CNTLN: variants seen among roughly 807,000 people sequenced by gnomAD.
CNTLN encodes centlein.
Under a neutral mutation model 180.0 loss-of-function variants are expected in CNTLN, and 212 were observed. The observed-to-expected ratio is 1.18, with a 90% CI of 1.05 to 1.32. CNTLN has a LOEUF of 1.32. Ranked by LOEUF, CNTLN falls within the 40% of genes most tolerant of loss-of-function variation. The pLI is 0.00. For synonymous variants in CNTLN, 722 were observed against 563.1 expected (o/e 1.28, Z -3.99); for missense variants, 2,095 against 1,610.9 (o/e 1.30, Z -5.14).
At chr9:17,179,061 G>A (rs1384300770) in intron 2 of CNTLN, among the ~76,000 whole-genome samples, 2 of 146,910 alleles carry the variant, frequency 1.4e-5, no homozygotes, top group Admixed American at 6.7e-5. Flanking sequence ...CGGCTAAAAC[G>A]GTGAAACCCC....
In CNTLN at chr9:17,165,953, C is replaced by CCCCA. The variant is rs920010236; in HGVS notation, c.449+22578_449+22581dup. Among the ~76,000 whole-genome samples the CCCCA allele has an allele frequency of 1.8e-4, 27 of 152,298 alleles. No individual in the cohort carries two copies. In the South Asian group the frequency reaches 3.7e-3, roughly 21 times the overall value. On this transcript the variant is annotated intron_variant, in intron 2 of 25. Coordinates refer to ENST00000380647, the MANE Select transcript of CNTLN (RefSeq NM_017738.4). Reference sequence around the variant, plus strand: ...AGAGACCTTTGGGCAAGCCCTCCACCCCCATCCTAGGTCAAGTAAAACTAT... The same window carrying CCCCA: ...AGAGACCTTTGGGCAAGCCCTCCACCCCCACCCATCCTAGGTCAAGTAAAACTAT...
At chr9:17,154,946 C>T (rs1380827821) in intron 2 of CNTLN, among the ~76,000 whole-genome samples, 1 of 152,198 alleles carries the variant, frequency 6.6e-6, no homozygotes, top group Non-Finnish European at 1.5e-5. Context: ...TGGGTCCGCA[C>T]TACCTTTGTG....
At chr9:17,185,157 T>C (rs1268075082) in intron 2 of CNTLN, among the ~76,000 whole-genome samples, 1 of 152,224 alleles carries the variant, frequency 6.6e-6, no homozygotes, top group Non-Finnish European at 1.5e-5. Context: ...TTGAAACCTG[T>C]CTTCTGGTAA....
At chr9:17,406,338 C>T (rs1305255791) in intron 15 of CNTLN, among the ~76,000 whole-genome samples, 1 of 151,816 alleles carries the variant, frequency 6.6e-6, no homozygotes, top group East Asian at 1.9e-4. Context: ...AACCACCCTC[C>T]CTGCTTTCAG....
chr9:17,225,916 C>G (rs1824436178), intron 2 of CNTLN, among the ~76,000 whole-genome samples: 1 of 151,906 alleles, frequency 6.6e-6, no homozygotes, highest in Non-Finnish European at 1.5e-5. Flanking sequence ...AACATGTTTA[C>G]TTAATTGTAA....
intron 8 of CNTLN, among the ~76,000 whole-genome samples, chr9:17,312,827 A>G (rs528176103): frequency 6.6e-6 from 1 of 152,272 alleles, no homozygotes; most frequent in South Asian, 2.1e-4. Context: ...AAATATCAAT[A>G]TTAGTTATGT....
rs199507187 is a variant in CNTLN, at chr9:17,414,103, CTAGG to C, written c.2797-1684_2797-1681del. Among the ~76,000 whole-genome samples the C allele has an allele frequency of 9.3e-3, 1,423 of 152,282 alleles. 5 individuals carry two copies. Among genetic ancestry groups the C allele is most frequent in the Non-Finnish European group, 0.014 (968 of 68,014 alleles). ...GAAATTTCTCATCTTGGATTGTGAA[CTAGG>C]CTTTCTTTCTTGCCTTCTGCATTCT... On this transcript the variant is annotated intron_variant, in intron 16 of 25. Coordinates refer to ENST00000380647, the MANE Select transcript of CNTLN (RefSeq NM_017738.4).
intron 25 of CNTLN, among the ~76,000 whole-genome samples, chr9:17,498,581 T>A (rs893495237): frequency 2.0e-5 from 3 of 152,208 alleles, no homozygotes; most frequent in Non-Finnish European, 4.4e-5. Flanking sequence ...GATATCCCCG[T>A]TAAATTTCTA....
At chr9:17,350,352 A>G (rs1425361529) in intron 12 of CNTLN, among the ~76,000 whole-genome samples, 1 of 152,242 alleles carries the variant, frequency 6.6e-6, no homozygotes, top group Non-Finnish European at 1.5e-5. Flanking sequence ...TTTCTATACT[A>G]ATCTGTAGCC....
intron 18 of CNTLN, chr9:17,447,206 A>G (rs1830491494): frequency 4.6e-6 from 1 of 216,858 alleles, no homozygotes; most frequent in Admixed American, 4.1e-5. Flanking sequence ...GCCTGTCTGC[A>G]CTCCCATAGG....
intron 23 of CNTLN, among the ~76,000 whole-genome samples, chr9:17,479,493 T>C (rs1321165760): frequency 6.6e-6 from 1 of 152,142 alleles, no homozygotes; most frequent in African/African-American, 2.4e-5. Context: ...TAGTCAAATT[T>C]ATAGAATCAA....
chr9:17,359,176 G>T (rs1823095253), intron 12 of CNTLN, among the ~76,000 whole-genome samples: 1 of 151,944 alleles, frequency 6.6e-6, no homozygotes, highest in South Asian at 2.1e-4. Flanking sequence ...ATGCCACCAT[G>T]CCTGGCTAAT....
intron 7 of CNTLN, chr9:17,298,779 G>A (rs1818134629): frequency 1.0e-6 from 1 of 987,258 alleles, no homozygotes; most frequent in Admixed American, 6.1e-5. Context: ...GATTGCTGAG[G>A]AGGGCTTTAG....
At chr9:17,386,622 G>C (rs1225201361) in intron 13 of CNTLN, among the ~76,000 whole-genome samples, 1 of 151,890 alleles carries the variant, frequency 6.6e-6, no homozygotes, top group South Asian at 2.1e-4. Flanking sequence ...TGTATAAACC[G>C]GTGAAGGGGA....
chr9:17,473,523 C>G (rs1832147666), intron 23 of CNTLN, among the ~76,000 whole-genome samples: 1 of 151,672 alleles, frequency 6.6e-6, no homozygotes, highest in Admixed American at 6.6e-5. Context: ...TAGTTTCAAC[C>G]CTACACTTTG....
intron 15 of CNTLN, among the ~76,000 whole-genome samples, chr9:17,399,555 C>A (rs971202772): frequency 6.6e-6 from 1 of 152,130 alleles, no homozygotes; most frequent in Non-Finnish European, 1.5e-5. Context: ...GCATTTGGAT[C>A]CTTTTAAAGT....
At chr9:17,346,588 C>T (rs1821920203) in intron 12 of CNTLN, among the ~76,000 whole-genome samples, 1 of 152,188 alleles carries the variant, frequency 6.6e-6, no homozygotes, top group South Asian at 2.1e-4. Flanking sequence ...ATGCAACATG[C>T]ACTGTTGAAT....
At chr9:17,460,115 A>G (rs1831365645) in intron 19 of CNTLN, among the ~76,000 whole-genome samples, 1 of 151,608 alleles carries the variant, frequency 6.6e-6, no homozygotes, top group Non-Finnish European at 1.5e-5. Context: ...TTTTCTGTGT[A>G]ATTTTACATA....
At chr9:17,465,323 T>A (rs1052468994) in intron 21 of CNTLN, among the ~76,000 whole-genome samples, 1 of 150,736 alleles carries the variant, frequency 6.6e-6, no homozygotes, top group Non-Finnish European at 1.5e-5. Context: ...GGATTTTCTT[T>A]CTCTTCTCTT....
Sources: allele counts gnomAD v4.1 joint callset (sites outside exome capture counted in the v4.1 genomes callset), GRCh38; gene constraint gnomAD v4.1.1; transcripts MANE v1.5; gene names NCBI Gene and HGNC (gene_info 2026-07-23, HGNC 2026-07-21).